CA10: variants seen among roughly 807,000 people sequenced by gnomAD.
The protein encoded by CA10 is carbonic anhydrase-related protein 10.
In CA10, 14 loss-of-function variants were observed where a neutral mutation model predicts 44.2. That is an observed-to-expected ratio of 0.32 (90% CI 0.21 to 0.50). The LOEUF (loss-of-function observed/expected upper bound fraction) is 0.50, where lower values mean the gene tolerates loss of function less well. CA10 is among the 20% of genes least tolerant of loss of function. The probability of loss-of-function intolerance (pLI) is 0.99; values close to 1 mark genes in which losing one functional copy is unlikely to be tolerated. For synonymous variants in CA10, 159 were observed against 141.6 expected, an observed-to-expected ratio of 1.12 and a Z score of -0.87; for missense variants, 350 against 409.7, an observed-to-expected ratio of 0.85 and a Z score of 1.26.
intron 3 of CA10, among the ~76,000 whole-genome samples, chr17:51,831,690 G>GCAGCAGCAGCAT (rs1555604047): frequency 1.2e-5 from 1 of 81,202 alleles, no homozygotes; most frequent in African/African-American, 3.7e-5. Flanking sequence ...AGCAGCAGCA[G>GCAGCAGCAGCAT]CAGCAGCAGC....
rs542402130 is a variant in CA10 at position 52,020,677 on chromosome 17, C to T, written c.136+51642G>A. 2.0e-4 allele frequency among the ~76,000 whole-genome samples: 30 copies of T among 152,072 alleles called. No individual in the cohort carries two copies. In the South Asian group the frequency reaches 5.0e-3, roughly 25 times the overall value. ...TTTTATTCAACTTCTATTTTAGATTCAGGGGGTACATAAGTAGGTTTGTTA... is the reference window on the plus strand; with the variant it reads ...TTTTATTCAACTTCTATTTTAGATTTAGGGGGTACATAAGTAGGTTTGTTA... On this transcript the variant is annotated intron_variant, in intron 2 of 8. Transcript: ENST00000451037.
chr17:51,692,697 T>C (rs2143431434), intron 4 of CA10, among the ~76,000 whole-genome samples: 1 of 152,350 alleles, frequency 6.6e-6, no homozygotes, highest in Non-Finnish European at 1.5e-5. Flanking sequence ...TATTGGCCTA[T>C]TGAAGGGCAT....
chr17:51,819,085 G>A lies in CA10; in HGVS notation c.280-71267C>T, dbSNP rs141015370. On this transcript the variant is annotated intron_variant, in intron 3 of 8. Coordinates refer to ENST00000451037, the MANE Select transcript of CA10 (RefSeq NM_020178.5). ...AAAAAACAAGTCATAAGCAACCATG[G>A]CTATCTGCCCAGTTTTATAATTGAG... Among the ~76,000 whole-genome samples, 29 of 152,258 alleles carry A rather than the reference G, an allele frequency of 1.9e-4. No homozygotes were observed. The East Asian group carries it at 4.4e-3, about 23-fold the overall frequency.
intron 1 of CA10, among the ~76,000 whole-genome samples, chr17:52,098,955 A>G (rs1988471543): frequency 6.6e-6 from 1 of 152,220 alleles, no homozygotes; most frequent in Admixed American, 6.5e-5. Context: ...CCTCTCATGG[A>G]ATTTATATTC....
intron 2 of CA10, among the ~76,000 whole-genome samples, chr17:51,952,311 T>G (rs1983514660): frequency 6.6e-6 from 1 of 152,118 alleles, no homozygotes; most frequent in Admixed American, 6.6e-5. Context: ...TCATTTAACT[T>G]GAATAATTAT....
chr17:51,683,435 A>T (rs147225545), intron 4 of CA10, among the ~76,000 whole-genome samples: 4 of 152,268 alleles, frequency 2.6e-5, no homozygotes, highest in Admixed American at 6.5e-5. Context: ...ACTTGCTCCG[A>T]CTGCTTCCAG....
At chr17:51,868,891 GTTTTT>G (rs75281671) in intron 3 of CA10, among the ~76,000 whole-genome samples, 4 of 139,338 alleles carry the variant, frequency 2.9e-5, no homozygotes, top group Admixed American at 7.2e-5. Flanking sequence ...AAGTTTTTTT[GTTTTT>G]TTTTTTTTAC....
intron 1 of CA10, among the ~76,000 whole-genome samples, chr17:52,112,457 G>A (rs1393728): frequency 0.65 from 98,126 of 152,098 alleles, 33,897 homozygotes; most frequent in African/African-American, 0.89. Context: ...TGAATAGGTG[G>A]GAAAAAGACC....
chr17:51,688,026 C>T (rs545170432), intron 4 of CA10, among the ~76,000 whole-genome samples: 3 of 152,316 alleles, frequency 2.0e-5, no homozygotes, highest in African/African-American at 7.2e-5. Context: ...ACCACAGCTT[C>T]CTTCTTATGC....
chr17:51,822,415 A>C (rs1462651789), intron 3 of CA10, among the ~76,000 whole-genome samples: 1 of 134,374 alleles, frequency 7.4e-6, no homozygotes, highest in Non-Finnish European at 1.6e-5. Flanking sequence ...ACTTTGTCTC[A>C]AAAAAACAAA....
chr17:51,786,326 CAG>C (rs1906281562), intron 3 of CA10, among the ~76,000 whole-genome samples: 1 of 151,868 alleles, frequency 6.6e-6, no homozygotes, highest in Non-Finnish European at 1.5e-5. Context: ...CTGAGGCAGG[CAG>C]ATCACTTGAG....
chr17:52,066,600 T>C (rs1171083647), intron 2 of CA10, among the ~76,000 whole-genome samples: 2 of 152,232 alleles, frequency 1.3e-5, no homozygotes, highest in African/African-American at 4.8e-5. Flanking sequence ...CTCCTTCACC[T>C]TCAGCCATGA....
chr17:51,855,417 G>A (rs1978997679), intron 3 of CA10, among the ~76,000 whole-genome samples: 1 of 152,102 alleles, frequency 6.6e-6, no homozygotes, highest in Non-Finnish European at 1.5e-5. Context: ...ACACACCATT[G>A]ACTATAAGAC....
At chr17:51,782,849 A>G (rs1906116706) in intron 3 of CA10, among the ~76,000 whole-genome samples, 1 of 152,204 alleles carries the variant, frequency 6.6e-6, no homozygotes, top group Non-Finnish European at 1.5e-5. Flanking sequence ...CAGCAGTGGT[A>G]GAGCAGTGAT....
At chr17:51,717,336 T>G (rs1468116) in intron 4 of CA10, among the ~76,000 whole-genome samples, 151,979 of 151,980 alleles carry the variant, frequency 1, 75,989 homozygotes, top group Middle Eastern at 1. Context: ...AGCCCAACAT[T>G]GGCCTGTTGG....
chr17:51,815,263 C>T (rs914161940), intron 3 of CA10, among the ~76,000 whole-genome samples: 1 of 152,040 alleles, frequency 6.6e-6, no homozygotes, highest in African/African-American at 2.4e-5. Flanking sequence ...AATTATCCTG[C>T]ACAATTATCA....
intron 3 of CA10, among the ~76,000 whole-genome samples, chr17:51,893,768 A>G (rs1980958052): frequency 6.6e-6 from 1 of 152,196 alleles, no homozygotes; most frequent in Non-Finnish European, 1.5e-5. Context: ...CAAACAAGCA[A>G]TTGACCCAGT....
At chr17:51,999,717 T>C (rs1046186148) in intron 2 of CA10, among the ~76,000 whole-genome samples, 1 of 152,044 alleles carries the variant, frequency 6.6e-6, no homozygotes, top group African/African-American at 2.4e-5. Flanking sequence ...TCAGCTGTCC[T>C]TATAGGTTCC....
chr17:52,057,450 TAG>T (rs1987261177), intron 2 of CA10, among the ~76,000 whole-genome samples: 2 of 71,044 alleles, frequency 2.8e-5, no homozygotes. Flanking sequence ...TTATTTTCTC[TAG>T]CTTTGTTTAT....
Sources: allele counts gnomAD v4.1 joint callset (sites outside exome capture counted in the v4.1 genomes callset), GRCh38; gene constraint gnomAD v4.1.1; transcripts MANE v1.5; gene names NCBI Gene and HGNC (gene_info 2026-07-23, HGNC 2026-07-21).